Variants in PCDH15 observed in about 807,000 individuals in gnomAD.
PCDH15 encodes protocadherin-15.
Under a neutral mutation model 178.5 loss-of-function variants are expected in PCDH15, and 129 were observed. That is an observed-to-expected ratio of 0.72 (90% CI 0.63 to 0.84). The LOEUF (loss-of-function observed/expected upper bound fraction) is 0.84. PCDH15 is among the 40% of genes least tolerant of loss of function. PCDH15 has a pLI of 0.00. For synonymous variants in PCDH15, 800 were observed against 732.0 expected, an observed-to-expected ratio of 1.09 and a Z score of -1.50; for missense variants, 2,230 against 2,099.9, an observed-to-expected ratio of 1.06 and a Z score of -1.21.
chr10:54,466,347 T>C (rs921785413), intron 3 of PCDH15, among the ~76,000 whole-genome samples: 1 of 152,000 alleles, frequency 6.6e-6, no homozygotes, highest in African/African-American at 2.4e-5. Context: ...TCTTGGCTGA[T>C]TTTTCTATGT....
intron 2 of PCDH15, among the ~76,000 whole-genome samples, chr10:54,661,638 T>C (rs1436470532): frequency 6.6e-6 from 1 of 151,854 alleles, no homozygotes; most frequent in Non-Finnish European, 1.5e-5. Flanking sequence ...CATCACATTA[T>C]CTGACTTTAT....
At chr10:53,894,149 C>A (rs1402161897) in intron 26 of PCDH15, among the ~76,000 whole-genome samples, 1 of 152,144 alleles carries the variant, frequency 6.6e-6, no homozygotes, top group African/African-American at 2.4e-5. Context: ...AACATAATGT[C>A]TGCTTAGATG....
intron 2 of PCDH15, among the ~76,000 whole-genome samples, chr10:55,081,794 T>C (rs566280711): frequency 6.6e-6 from 1 of 152,306 alleles, no homozygotes; most frequent in South Asian, 2.1e-4. Flanking sequence ...ACTTAATTTA[T>C]GGTATTTTGT....
At chr10:53,822,497 A>T (rs1019220348) in intron 32 of PCDH15, 1 of 1,612,238 alleles carries the variant, frequency 6.2e-7, no homozygotes, top group African/African-American at 1.3e-5. Flanking sequence ...GGGGACAGGC[A>T]GAAGGAGAGA....
intron 20 of PCDH15, among the ~76,000 whole-genome samples, chr10:54,012,934 CTGAA>C (rs1406605570): frequency 6.6e-6 from 1 of 151,924 alleles, no homozygotes; most frequent in Non-Finnish European, 1.5e-5. Flanking sequence ...AATATTAACA[CTGAA>C]TGTAAATGGG....
chr10:55,498,608 T>C (rs1840586812), intron 2 of PCDH15, among the ~76,000 whole-genome samples: 1 of 151,698 alleles, frequency 6.6e-6, no homozygotes, highest in African/African-American at 2.4e-5. Context: ...GAAAACTGAG[T>C]CATACTATGC....
chr10:54,026,011 G>T (rs895044545), intron 18 of PCDH15, among the ~76,000 whole-genome samples: 2 of 151,882 alleles, frequency 1.3e-5, no homozygotes, highest in African/African-American at 2.4e-5. Context: ...GTGTGCACAT[G>T]TGTGCAAGTG....
chr10:54,355,173 A>T (rs11592872), intron 5 of PCDH15, among the ~76,000 whole-genome samples: 27,654 of 148,106 alleles, frequency 0.19, 2,709 homozygotes, highest in African/African-American at 0.22. Flanking sequence ...TAAGTATTTT[A>T]AAAGTATCAC....
Position 54,807,706 on chromosome 10 carries a change from T to C in PCDH15, c.-29+89744A>G, listed in dbSNP as rs983264660. On this transcript the variant is annotated intron_variant, in intron 3 of 5. Transcript: ENST00000458638. ...TATATATTTATAAGTATATAATATA[T>C]TGATAATATTTATATATAAATATGG... is the stretch of plus-strand genomic sequence containing the variant. Among the ~76,000 whole-genome samples, 26 of 148,256 alleles carry C rather than the reference T, an allele frequency of 1.8e-4. No individual in the cohort carries two copies. In the Admixed American group the frequency reaches 1.8e-3, roughly 10 times the overall value.
chr10:54,439,178 G>T (rs2075634989), intron 3 of PCDH15, among the ~76,000 whole-genome samples: 1 of 151,926 alleles, frequency 6.6e-6, no homozygotes, highest in Non-Finnish European at 1.5e-5. Context: ...TTAAAGCTGT[G>T]AATAATACAT....
At chr10:55,384,096 T>G (rs1837598194) in intron 2 of PCDH15, among the ~76,000 whole-genome samples, 1 of 152,176 alleles carries the variant, frequency 6.6e-6, no homozygotes, top group East Asian at 1.9e-4. Context: ...TTGTTTACAT[T>G]CCCAGGGAAT....
intron 2 of PCDH15, among the ~76,000 whole-genome samples, chr10:54,589,247 C>G (rs2091720458): frequency 6.6e-6 from 1 of 152,092 alleles, no homozygotes; most frequent in Admixed American, 6.6e-5. Context: ...TTGTGCTTAT[C>G]TTTTTGGTCT....
intron 2 of PCDH15, among the ~76,000 whole-genome samples, chr10:55,045,294 T>C (rs1349514623): frequency 6.6e-6 from 1 of 152,138 alleles, no homozygotes; most frequent in African/African-American, 2.4e-5. Context: ...TTGATTTTGT[T>C]CTTTATTCAT....
intron 3 of PCDH15, among the ~76,000 whole-genome samples, chr10:54,396,721 T>G (rs969897549): frequency 2.0e-5 from 3 of 152,174 alleles, no homozygotes; most frequent in Non-Finnish European, 2.9e-5. Flanking sequence ...AAAAATAGCA[T>G]ATTTTGAAAT....
At chr10:54,633,031 G>A (rs1258210884) in intron 2 of PCDH15, among the ~76,000 whole-genome samples, 4 of 152,070 alleles carry the variant, frequency 2.6e-5, no homozygotes, top group Non-Finnish European at 5.9e-5. Context: ...GTAAACTAAA[G>A]AGAATTCCAG....
chr10:54,916,108 C>T (rs1954897476), intron 2 of PCDH15, among the ~76,000 whole-genome samples: 1 of 151,740 alleles, frequency 6.6e-6, no homozygotes. Flanking sequence ...AGTAGCTCAG[C>T]TTACGGGCAC....
At chr10:55,450,489 T>C (rs563228183) in intron 2 of PCDH15, among the ~76,000 whole-genome samples, 41 of 152,178 alleles carry the variant, frequency 2.7e-4, no homozygotes, top group Non-Finnish European at 4.1e-4. Context: ...ACCAGTGTAG[T>C]TGAGCCCTCT....
chr10:53,825,378 C>A (rs1384107742), intron 32 of PCDH15, among the ~76,000 whole-genome samples: 2 of 147,790 alleles, frequency 1.4e-5, no homozygotes, highest in East Asian at 4.3e-4. Flanking sequence ...AAAATTGTAT[C>A]TAATAAAGTC....
intron 2 of PCDH15, chr10:54,575,347 C>T (rs2090354249): frequency 6.5e-6 from 1 of 153,114 alleles, no homozygotes; most frequent in African/African-American, 2.4e-5. Context: ...CTCGTCAGTT[C>T]TTTGATTTAA....
Sources: gnomAD v4.1 joint callset for allele counts (sites outside exome capture counted in the v4.1 genomes callset) on GRCh38, gnomAD v4.1.1 for gene constraint, MANE v1.5 for transcripts, NCBI Gene and HGNC (gene_info 2026-07-23, HGNC 2026-07-21) for gene names.